Variants in KCNIP1 observed in about 807,000 individuals in gnomAD.
The protein encoded by KCNIP1 is potassium voltage-gated channel interacting protein 1.
Under a neutral mutation model 33.0 loss-of-function variants are expected in KCNIP1, and 18 were observed. The ratio of observed to expected loss-of-function variants is 0.55; its 90% CI spans 0.38 to 0.81. The LOEUF (loss-of-function observed/expected upper bound fraction) is 0.81. KCNIP1 is among the 30% of genes least tolerant of loss of function. The pLI, the probability that KCNIP1 is intolerant of heterozygous loss-of-function variation, is 0.00. For synonymous variants in KCNIP1, 93 were observed against 98.3 expected (o/e 0.95, Z 0.32); for missense variants, 238 against 271.6 (o/e 0.88, Z 0.87).
chr5:170,679,901 G>A (rs1035087078), intron 1 of KCNIP1, among the ~76,000 whole-genome samples: 2 of 151,946 alleles, frequency 1.3e-5, no homozygotes, highest in African/African-American at 2.4e-5. Flanking sequence ...TGTTATAAAC[G>A]AATGATGCAA....
intron 1 of KCNIP1, among the ~76,000 whole-genome samples, chr5:170,714,991 C>G (rs1763597273): frequency 6.6e-6 from 1 of 152,182 alleles, no homozygotes. Flanking sequence ...CTCACCATCA[C>G]TCACTGACTC....
Position 170,367,847 on chromosome 5 carries a change from A to G in KCNIP1, c.88+13883A>G, listed in dbSNP as rs190926533. ...TGGCCCATCTAACCCATTGACCCAG[A>G]AGCCCTACTTCTAGAAATCTATTCT... On this transcript the variant is annotated intron_variant, in intron 1 of 7. Transcript: ENST00000377360. Among the ~76,000 whole-genome samples, 20 of 152,352 alleles carry G rather than the reference A, an allele frequency of 1.3e-4. No homozygotes were observed. In the East Asian group the frequency reaches 3.9e-3, roughly 29 times the overall value.
At chr5:170,401,027 C>T (rs1230911806) in intron 1 of KCNIP1, among the ~76,000 whole-genome samples, 1 of 152,220 alleles carries the variant, frequency 6.6e-6, no homozygotes, top group Admixed American at 6.5e-5. Flanking sequence ...CATAGCCTGA[C>T]TCAGGCAGCT....
chr5:170,576,077 C>T (rs778342177), intron 1 of KCNIP1, among the ~76,000 whole-genome samples: 24 of 152,204 alleles, frequency 1.6e-4, no homozygotes, highest in South Asian at 4.1e-4. Flanking sequence ...CAGCTTCTTC[C>T]TGCTCCATGT....
intron 1 of KCNIP1, among the ~76,000 whole-genome samples, chr5:170,420,191 C>G (rs1460462897): frequency 6.6e-6 from 1 of 152,158 alleles, no homozygotes; most frequent in Admixed American, 6.5e-5. Flanking sequence ...GGTCCGCTTA[C>G]ACATGGCTTT....
chr5:170,563,637 TTTTTTTG>T (rs1230941266), intron 1 of KCNIP1, among the ~76,000 whole-genome samples: 1 of 130,680 alleles, frequency 7.7e-6, no homozygotes, highest in South Asian at 2.5e-4. Context: ...GTTTTGTTTT[TTTTTTTG>T]TTTGTTTGTT....
chr5:170,544,134 C>T (rs984716600), intron 1 of KCNIP1, among the ~76,000 whole-genome samples: 2 of 152,168 alleles, frequency 1.3e-5, no homozygotes, highest in African/African-American at 2.4e-5. Context: ...GACAAGAGAC[C>T]GGGCGTGGTG....
chr5:170,728,370 C>T (rs1354018314), intron 5 of KCNIP1, among the ~76,000 whole-genome samples: 3 of 152,102 alleles, frequency 2.0e-5, no homozygotes, highest in Admixed American at 1.3e-4. Flanking sequence ...AAAGGAAATG[C>T]GATCTAAATA....
rs1367744303 is a variant in KCNIP1 at position 170,732,829 on chromosome 5, T to C, written c.465T>C (p.Tyr155=). The change falls in exon 6 of 8, where the codon TAT becomes TAC. Residue 155 remains tyrosine, a synonymous_variant. Transcript: ENST00000328939. ...EEMMDIVKAI[Y]DMMGKYTYPV... ...TGATGGACATTGTCAAAGCCATCTA[T>C]GACATGATGGGGAAATACACATATC... 1 of 1,613,156 alleles carries C rather than the reference T, an allele frequency of 6.2e-7. No individual in the cohort carries two copies. Among genetic ancestry groups the C allele is most frequent in the Non-Finnish European group, 8.5e-7 (1 of 1,179,274 alleles).
chr5:170,362,570 A>C (rs1763543060), intron 1 of KCNIP1, among the ~76,000 whole-genome samples: 1 of 152,180 alleles, frequency 6.6e-6, no homozygotes, highest in South Asian at 2.1e-4. Flanking sequence ...AGCAGGCCCG[A>C]CAGCCAAGAC....
At chr5:170,540,355 C>T (rs528403308) in intron 1 of KCNIP1, among the ~76,000 whole-genome samples, 1 of 152,334 alleles carries the variant, frequency 6.6e-6, no homozygotes, top group Admixed American at 6.5e-5. Context: ...TATGTTGAGG[C>T]ACAGTAAGCA....
intron 2 of KCNIP1, among the ~76,000 whole-genome samples, 179 bp from the exon 3 acceptor site, chr5:170,720,142 A>G (rs754200406): frequency 6.6e-6 from 1 of 152,140 alleles, no homozygotes; most frequent in Non-Finnish European, 1.5e-5. Flanking sequence ...TTCTCTGACA[A>G]TGTCTCATCA....
chr5:170,603,357 G>T (rs74905736), intron 1 of KCNIP1, among the ~76,000 whole-genome samples: 1 of 152,090 alleles, frequency 6.6e-6, no homozygotes, highest in Non-Finnish European at 1.5e-5. Context: ...TTCCACTTCC[G>T]TCACTTGAGA....
At chr5:170,415,330 T>C (rs2113414813) in intron 1 of KCNIP1, among the ~76,000 whole-genome samples, 1 of 152,292 alleles carries the variant, frequency 6.6e-6, no homozygotes, top group East Asian at 1.9e-4. Flanking sequence ...AGCCCAGGAC[T>C]TTCTACAACG....
At chr5:170,498,697 A>AAATG (rs1757355872) in intron 1 of KCNIP1, among the ~76,000 whole-genome samples, 1 of 152,244 alleles carries the variant, frequency 6.6e-6, no homozygotes, top group Admixed American at 6.5e-5. Context: ...TTCATTGAAT[A>AAATG]AATGAATGAA....
chr5:170,524,682 G>C (rs1054208923), intron 1 of KCNIP1, among the ~76,000 whole-genome samples: 4 of 152,148 alleles, frequency 2.6e-5, no homozygotes, highest in African/African-American at 9.7e-5. Flanking sequence ...GTGGAGGGGT[G>C]GTATGGGGCG....
chr5:170,558,181 T>C (rs1374281804), intron 1 of KCNIP1, among the ~76,000 whole-genome samples: 2 of 152,144 alleles, frequency 1.3e-5, no homozygotes, highest in East Asian at 3.9e-4. Context: ...AACTTTAATG[T>C]AAAGTGCCAC....
rs1561592634 is a variant in KCNIP1, at chr5:170,378,502, G to A, written c.88+24538G>A. ...GCCTTATGGCCTCCAAGGCATTGGG[G>A]AGCCACTGTACATTCTTGAGCAGGC... On this transcript the variant is annotated intron_variant, in intron 1 of 7. Coordinates refer to the KCNIP1 transcript ENST00000377360. 4.0e-5 allele frequency: 25 copies of A among 624,258 alleles called. 1 individual carries two copies. Among genetic ancestry groups the A allele is most frequent in the Non-Finnish European group, 5.5e-5 (20 of 365,584 alleles). The allele number at this position is 624,258 out of a possible 1,614,324, so 38.7% of individuals were successfully genotyped here. A position where few individuals can be genotyped will look rare whatever the true frequency, so the allele number is the denominator to read the frequency against.
At chr5:170,685,760 A>T (rs1385495241) in intron 1 of KCNIP1, among the ~76,000 whole-genome samples, 1 of 152,134 alleles carries the variant, frequency 6.6e-6, no homozygotes, top group African/African-American at 2.4e-5. Flanking sequence ...AAGTGCTGGG[A>T]TTACAGGTGT....
Sources: allele counts gnomAD v4.1 joint callset (sites outside exome capture counted in the v4.1 genomes callset), GRCh38; gene constraint gnomAD v4.1.1; transcripts MANE v1.5; gene names NCBI Gene and HGNC (gene_info 2026-07-23, HGNC 2026-07-21).